The following BCL2 variants were observed in gnomAD, a reference collection of about 807,000 sequenced individuals.
BCL2 encodes the protein apoptosis regulator Bcl-2.
A neutral mutation model predicts 14.2 loss-of-function variants in BCL2; 1 was observed. That is an observed-to-expected ratio of 0.07 (90% CI 0.02 to 0.33). BCL2 has a LOEUF of 0.33. Among genes scored for constraint, BCL2 ranks in the 10% least tolerant of loss-of-function variants. The pLI is 0.99. For synonymous variants in BCL2, 151 were observed against 137.2 expected, an observed-to-expected ratio of 1.10 and a Z score of -0.70; for missense variants, 247 against 305.9, an observed-to-expected ratio of 0.81 and a Z score of 1.44.
At chr18:63,285,162 G>A (rs971790277) in intron 2 of BCL2, among the ~76,000 whole-genome samples, 1 of 152,184 alleles carries the variant, frequency 6.6e-6, no homozygotes, top group Admixed American at 6.5e-5. Flanking sequence ...AGAAGGGGCT[G>A]GAATAAGGAT....
rs140208090 is a variant in BCL2 at position 63,231,849 on chromosome 18, T to C, written c.585+86233A>G. 2.9e-3 allele frequency among the ~76,000 whole-genome samples: 436 copies of C among 152,168 alleles called. 2 individuals carry two copies. The highest frequency in any genetic ancestry group is 8.0e-3 in the African/African-American group (334 of 41,548). ...TGGATATTTGTAACCGGTTTTAAAA[T>C]TGTGGTCCAAAAGCAGCCAAGATAA... On this transcript the variant is annotated intron_variant, in intron 2 of 2. Transcript: ENST00000333681.
At chr18:63,255,774 G>C (rs1568248718) in intron 2 of BCL2, among the ~76,000 whole-genome samples, 1 of 151,934 alleles carries the variant, frequency 6.6e-6, no homozygotes, top group Non-Finnish European at 1.5e-5. Flanking sequence ...CATGGTCCTA[G>C]GAAGGTGCTA....
At chr18:63,298,832 G>C (rs948949561) in intron 2 of BCL2, among the ~76,000 whole-genome samples, 1 of 152,126 alleles carries the variant, frequency 6.6e-6, no homozygotes, top group Non-Finnish European at 1.5e-5. Flanking sequence ...TCCTAAACAG[G>C]CTTCTCTGCA....
chr18:63,286,044 C>T (rs540088218), intron 2 of BCL2, among the ~76,000 whole-genome samples: 3 of 152,192 alleles, frequency 2.0e-5, no homozygotes, highest in Admixed American at 6.5e-5. Flanking sequence ...TGCTCTTATA[C>T]ACATAAAAGG....
rs1913857823 is a variant in BCL2, at chr18:63,124,482, G to GA, written c.*4142_*4143insT. The GA allele has an allele frequency of 8.6e-6, 2 of 231,382 alleles. No individual in the cohort carries two copies. Among genetic ancestry groups the GA allele is most frequent in the South Asian group, 3.6e-4 (2 of 5,512 alleles). 14.3% of individuals were successfully genotyped at this position (231,382 alleles called of 1,614,324 possible). On this transcript the variant is annotated 3_prime_UTR_variant, in exon 3 of 3. Coordinates refer to ENST00000333681, the MANE Select transcript of BCL2 (RefSeq NM_000633.3). The stretch of plus-strand genomic sequence containing the variant: ...TCTCATTTGTCACACAAGGTTCTTC[G>GA]CAGAGGCATCACATCGACCCCAATA...
intron 2 of BCL2, among the ~76,000 whole-genome samples, chr18:63,259,562 C>T (rs947229480): frequency 4.6e-5 from 7 of 152,216 alleles, no homozygotes; most frequent in African/African-American, 1.7e-4. Flanking sequence ...GCAGTCATTG[C>T]CCAAGGGGAA....
At chr18:63,281,994 A>T (rs1239126026) in intron 2 of BCL2, among the ~76,000 whole-genome samples, 2 of 152,230 alleles carry the variant, frequency 1.3e-5, no homozygotes, top group Non-Finnish European at 2.9e-5. Context: ...AAATACGCAC[A>T]AGGATTTCTT....
At chr18:63,194,102 A>G (rs1397073272) in intron 2 of BCL2, among the ~76,000 whole-genome samples, 1 of 152,170 alleles carries the variant, frequency 6.6e-6, no homozygotes, top group African/African-American at 2.4e-5. Context: ...CGATACAGTT[A>G]TTAGCACCAT....
At position 63,152,365 on chromosome 18, in the gene BCL2, T is replaced by G. The variant is rs144031174; in HGVS notation, c.586-23606A>C. 4.4e-3 allele frequency among the ~76,000 whole-genome samples: 677 copies of G among 152,352 alleles called. 1 individual carries two copies. The highest frequency in any genetic ancestry group is 6.9e-3 in the Non-Finnish European group (469 of 68,024). On this transcript the variant is annotated intron_variant, in intron 2 of 2. Coordinates refer to ENST00000333681, the MANE Select transcript of BCL2 (RefSeq NM_000633.3). ...AGCAGAGCCTCTACTTGGCAACACCTCGTTTGCCCAATTCTAGGTATTTGA... is the reference window on the plus strand; with the variant it reads ...AGCAGAGCCTCTACTTGGCAACACCGCGTTTGCCCAATTCTAGGTATTTGA...
At chr18:63,262,717 T>A (rs1360166714) in intron 2 of BCL2, among the ~76,000 whole-genome samples, 1 of 152,150 alleles carries the variant, frequency 6.6e-6, no homozygotes, top group Non-Finnish European at 1.5e-5. Context: ...ATACCACCAC[T>A]ACCCAAAGTA....
chr18:63,182,534 C>T (rs1181269596), intron 2 of BCL2, among the ~76,000 whole-genome samples: 1 of 152,150 alleles, frequency 6.6e-6, no homozygotes, highest in African/African-American at 2.4e-5. Context: ...ATATGCTGCT[C>T]CCTTGAGACC....
intron 2 of BCL2, among the ~76,000 whole-genome samples, chr18:63,274,277 CTTTTTTTTTTTTTT>C (rs74169950): frequency 3.5e-5 from 3 of 86,752 alleles, no homozygotes; most frequent in African/African-American, 1.3e-4. Context: ...TAAAGATACT[CTTTTTTTTTTTTTT>C]TTTTTTTTTG....
In BCL2 at chr18:63,313,476, A is replaced by C. The variant is rs1913399577; in HGVS notation, c.585+4606T>G. Among the ~76,000 whole-genome samples, 2 of 152,248 alleles carry C rather than the reference A, an allele frequency of 1.3e-5. 1 individual carries two copies. The highest frequency in any genetic ancestry group is 4.1e-4 in the South Asian group (2 of 4,830). On this transcript the variant is annotated intron_variant, in intron 2 of 2. Coordinates refer to ENST00000333681, the MANE Select transcript of BCL2 (RefSeq NM_000633.3). The stretch of plus-strand genomic sequence containing the variant: ...GACAAGTTACTGTTATACCTGAATA[A>C]GGTGATATTAGATTACCTTAAAAAG...
At chr18:63,162,531 GC>G (rs1365048068) in intron 2 of BCL2, among the ~76,000 whole-genome samples, 8 of 152,202 alleles carry the variant, frequency 5.3e-5, no homozygotes, top group African/African-American at 1.9e-4. Flanking sequence ...AGGCAGGCAC[GC>G]GGGTGACACA....
chr18:63,256,015 GGA>G (rs140294443), intron 2 of BCL2, among the ~76,000 whole-genome samples: 1 of 151,958 alleles, frequency 6.6e-6, no homozygotes, highest in Non-Finnish European at 1.5e-5. Context: ...TCTTCCTTAA[GGA>G]GAGAAAGAAT....
intron 2 of BCL2, among the ~76,000 whole-genome samples, chr18:63,244,774 A>C (rs1489256281): frequency 6.6e-6 from 1 of 152,242 alleles, no homozygotes; most frequent in East Asian, 1.9e-4. Flanking sequence ...TCTCAAGGAA[A>C]GAAAGAAACT....
chr18:63,228,164 T>G (rs78244243), intron 2 of BCL2, among the ~76,000 whole-genome samples: 1 of 152,288 alleles, frequency 6.6e-6, no homozygotes, highest in Non-Finnish European at 1.5e-5. Flanking sequence ...TCTGACCTAA[T>G]GACATGGGAA....
In BCL2 at chr18:63,124,127, T is replaced by A. The variant is rs1913847596; in HGVS notation, c.*4498A>T. On this transcript the variant is annotated 3_prime_UTR_variant, in exon 3 of 3. Coordinates refer to ENST00000333681, the MANE Select transcript of BCL2 (RefSeq NM_000633.3). ...ATGCATATTTCATGATTGTCCAAGG[T>A]CATGGTTGTCCAAAGACATGGAACA... is the stretch of plus-strand genomic sequence containing the variant. 4.5e-6 allele frequency: 1 copy of A among 222,262 alleles called. No homozygotes were observed. The highest frequency in any genetic ancestry group is 1.8e-4 in the South Asian group (1 of 5,442). 13.8% of individuals were successfully genotyped at this position (222,262 alleles called of 1,614,324 possible). A position where few individuals can be genotyped will look rare whatever the true frequency, so the allele number is the denominator to read the frequency against.
chr18:63,139,020 C>T (rs4987834), intron 2 of BCL2, among the ~76,000 whole-genome samples: 37,325 of 148,528 alleles, frequency 0.25, 5,025 homozygotes, highest in Non-Finnish European at 0.32. Flanking sequence ...TGGCCCCAAC[C>T]ACCTGCTAAT....
Sources: allele counts gnomAD v4.1 joint callset (sites outside exome capture counted in the v4.1 genomes callset), GRCh38; gene constraint gnomAD v4.1.1; transcripts MANE v1.5; gene names NCBI Gene and HGNC (gene_info 2026-07-23, HGNC 2026-07-21).